The following EVC variants were observed in gnomAD, a reference collection of about 807,000 sequenced individuals.
EVC encodes the protein evC complex member EVC.
Under a neutral mutation model 118.9 loss-of-function variants are expected in EVC, and 116 were observed. The ratio of observed to expected loss-of-function variants is 0.98; its 90% CI spans 0.84 to 1.14. The LOEUF is 1.14. EVC is among the 50% of genes most tolerant of loss of function. The pLI is 0.00. For missense variants in EVC, 1,401 were observed against 1,246.4 expected, an observed-to-expected ratio of 1.12 and a Z score of -1.87; for synonymous variants, 619 against 534.7, an observed-to-expected ratio of 1.16 and a Z score of -2.18.
Position 5,741,755 on chromosome 4 carries a change from C to T in EVC, c.742C>T (p.Leu248Phe). Reference protein sequence around the residue: ...QIFKMCLLDLLPKKKSDDELY... With the variant: ...QIFKMCLLDLFPKKKSDDELY... ...TTTTAAAATGTGCCTCCTTGACCTTCTTCCTAAAAAGAAGTCAGATGATGA... is the reference window on the plus strand; with the variant it reads ...TTTTAAAATGTGCCTCCTTGACCTTTTTCCTAAAAAGAAGTCAGATGATGA... Residue 248 changes from leucine to phenylalanine, a missense_variant, in exon 6 of 21, where the codon CTT (leucine) becomes TTT (phenylalanine). Leu to Phe is a conservative substitution (Grantham distance 22). Transcript: ENST00000264956. The T allele has an allele frequency of 1.3e-6, 2 of 1,574,896 alleles. No individual in the cohort carries two copies. Among genetic ancestry groups the T allele is most frequent in the Non-Finnish European group, 1.7e-6 (2 of 1,146,040 alleles).
At chr4:5,763,683 C>T (rs1732422197) in intron 11 of EVC, among the ~76,000 whole-genome samples, 1 of 113,792 alleles carries the variant, frequency 8.8e-6, no homozygotes, top group Non-Finnish European at 1.9e-5. Context: ...GGAGTTCACT[C>T]ATGATTTGGC....
intron 5 of EVC, among the ~76,000 whole-genome samples, chr4:5,740,913 G>C (rs779499737): frequency 4.6e-5 from 7 of 152,148 alleles, no homozygotes; most frequent in Admixed American, 6.5e-5. Context: ...TGTCAAAATG[G>C]CTAAAATAAA....
intron 11 of EVC, among the ~76,000 whole-genome samples, chr4:5,772,133 C>T (rs6827025): frequency 0.36 from 54,521 of 151,886 alleles, 10,067 homozygotes; most frequent in Admixed American, 0.47. Context: ...CCTGACTTCG[C>T]GATCCGCCCG....
intron 11 of EVC, among the ~76,000 whole-genome samples, chr4:5,776,124 C>T (rs914416668): frequency 6.6e-6 from 1 of 151,866 alleles, no homozygotes; most frequent in African/African-American, 2.4e-5. Flanking sequence ...CTTTTATCTT[C>T]CTCTACTGAG....
chr4:5,772,444 G>A (rs187760290), intron 11 of EVC, among the ~76,000 whole-genome samples: 3 of 152,198 alleles, frequency 2.0e-5, no homozygotes, highest in Admixed American at 2.0e-4. Flanking sequence ...TAACCTCTCT[G>A]ATCCAGGAAT....
Position 5,719,523 on chromosome 4 carries a change from G to A in EVC, c.300+150G>A. 2.6e-6 allele frequency: 3 copies of A among 1,162,812 alleles called. No individual in the cohort carries two copies. The highest frequency in any genetic ancestry group is 1.5e-5 in the African/African-American group (1 of 65,816). 72.0% of individuals were successfully genotyped at this position (1,162,812 alleles called of 1,614,324 possible). A position where few individuals can be genotyped will look rare whatever the true frequency, so the allele number is the denominator to read the frequency against. On this transcript the variant is annotated intron_variant, in intron 2 of 20. Transcript: ENST00000264956. This position sits in a 1 kb window ranked among gnomAD's most constrained non-coding sequence, Gnocchi z 4.7. ...AGGCATAATTTACATACAGTCAAAT[G>A]CGCAGACTTTAGGTTTTACAGTTTG... is the stretch of plus-strand genomic sequence containing the variant.
intron 11 of EVC, among the ~76,000 whole-genome samples, chr4:5,762,323 C>A (rs969198435): frequency 2.9e-5 from 4 of 138,342 alleles, no homozygotes; most frequent in Non-Finnish European, 6.3e-5. Flanking sequence ...TGGGTTGGTT[C>A]CAAGTCTTTG....
At chr4:5,725,337 C>A (rs1725638326) in intron 2 of EVC, among the ~76,000 whole-genome samples, 1 of 152,218 alleles carries the variant, frequency 6.6e-6, no homozygotes, top group African/African-American at 2.4e-5. Flanking sequence ...TACATTCCCA[C>A]CAACAGTGTA....
At chr4:5,808,139 C>A in intron 17 of EVC, 62 bp from the exon 18 acceptor site, 1 of 547,146 alleles carries the variant, frequency 1.8e-6, no homozygotes, top group Non-Finnish European at 3.5e-6. Context: ...TTCTCCCTCC[C>A]TCCCTCCCTC....
At chr4:5,804,926 C>T (rs2152375890) in intron 17 of EVC, 85 bp downstream of exon 17, 2 of 1,207,576 alleles carry the variant, frequency 1.7e-6, no homozygotes, top group Non-Finnish European at 2.4e-6. Context: ...TCAGCAGGTG[C>T]CGTCGCGTGC....
At chr4:5,797,504 A>G (rs1714201053) in intron 14 of EVC, 1 of 555,464 alleles carries the variant, frequency 1.8e-6, no homozygotes, top group Non-Finnish European at 3.3e-6. Flanking sequence ...CCTGGCTTGT[A>G]GATGACTGTC....
chr4:5,748,297 G>A lies in EVC; in HGVS notation c.1089G>A (p.Leu363=). Reference sequence around the variant, plus strand: ...GGCTATTGTGCGATTCTCAGGAGCTGCAGGCTCTGGTAATGCTGGAGGGGG... The same window carrying A: ...GGCTATTGTGCGATTCTCAGGAGCTACAGGCTCTGGTAATGCTGGAGGGGG... ...AEGLLCDSQE[L]QALDALERTM... is the part of the protein sequence containing the mutation. Residue 363 remains leucine (L), a synonymous_variant, in exon 8 of 21, where the codon CTG becomes CTA. Coordinates refer to ENST00000264956, the MANE Select transcript of EVC (RefSeq NM_153717.3). 1 of 1,614,100 alleles carries A rather than the reference G, an allele frequency of 6.2e-7. No individual in the cohort carries two copies. Among genetic ancestry groups the A allele is most frequent in the Non-Finnish European group, 8.5e-7 (1 of 1,180,004 alleles).
intron 16 of EVC, 123 bp downstream of exon 16, chr4:5,802,217 T>G: frequency 1.5e-6 from 2 of 1,357,898 alleles, no homozygotes; most frequent in Non-Finnish European, 2.1e-6. Context: ...TTTCAGTGTT[T>G]TAATGTATTT....
At chr4:5,711,643 C>A in intron 1 of EVC, 89 bp downstream of exon 1, 2 of 996,418 alleles carry the variant, frequency 2.0e-6, no homozygotes, top group Non-Finnish European at 2.4e-6. Context: ...GGCTCTGCGA[C>A]TCCTTGAGCC....
intron 8 of EVC, among the ~76,000 whole-genome samples, 179 bp downstream of exon 8, chr4:5,748,485 C>T (rs1056998916): frequency 6.6e-6 from 1 of 152,108 alleles, no homozygotes. Context: ...TTTATCCATC[C>T]ATCCACCCAT....
Position 5,814,024 on chromosome 4 carries a change from T to C in EVC, c.*2987T>C, listed in dbSNP as rs974455487. The C allele has an allele frequency of 1.3e-5, 2 of 152,244 alleles. No individual in the cohort carries two copies. Among genetic ancestry groups the C allele is most frequent in the African/African-American group, 4.8e-5 (2 of 41,464 alleles). The allele number at this position is 152,244 out of a possible 1,614,324, so 9.4% of individuals were successfully genotyped here. ...TTGGAAGACACTGCATTTTAGCCAGTGTACCTGGGCACAGACTCGGGGCTG... is the reference window on the plus strand; with the variant it reads ...TTGGAAGACACTGCATTTTAGCCAGCGTACCTGGGCACAGACTCGGGGCTG... On this transcript the variant is annotated 3_prime_UTR_variant, in exon 21 of 21. Transcript: ENST00000264956.
the EVC span, among the ~76,000 whole-genome samples, chr4:5,819,458 A>G: frequency 6.6e-6 from 1 of 152,326 alleles, no homozygotes; most frequent in South Asian, 2.1e-4. Context: ...GGATTATCTG[A>G]GCTACCAGGT....
downstream of EVC, among the ~76,000 whole-genome samples, chr4:5,817,112 G>A (rs1425285032): frequency 6.6e-6 from 1 of 152,214 alleles, no homozygotes; most frequent in Non-Finnish European, 1.5e-5. Context: ...CCAGGCATTT[G>A]CCCACATGGC....
Position 5,742,032 on chromosome 4 carries a change from G to T in EVC, c.801+218G>T, listed in dbSNP as rs1295739125. ...TATTTATAGCAAAGAGAATAATATT[G>T]GTCATATCTACTACTCAAAGACGGT... On this transcript the variant is annotated intron_variant, in intron 6 of 20. Transcript: ENST00000264956. This position sits in a 1 kb window ranked among gnomAD's most constrained non-coding sequence, Gnocchi z 5.2. 6.6e-6 allele frequency among the ~76,000 whole-genome samples: 1 copy of T among 151,596 alleles called. No individual in the cohort carries two copies. The highest frequency in any genetic ancestry group is 2.1e-4 in the South Asian group (1 of 4,812).
Sources: gnomAD v4.1 joint callset for allele counts (sites outside exome capture counted in the v4.1 genomes callset) on GRCh38, gnomAD v4.1.1 for gene constraint, Gnocchi (gnomAD v3.1) non-coding constraint, MANE v1.5 for transcripts, NCBI Gene and HGNC (gene_info 2026-07-23, HGNC 2026-07-21) for gene names.